The following ZNF280D variants were observed in gnomAD, a reference collection of about 807,000 sequenced individuals.
ZNF280D encodes zinc finger protein 280D, also known as suppressor of hairy wing homolog 4.
A neutral mutation model predicts 94.7 loss-of-function variants in ZNF280D; 39 were observed. The observed-to-expected ratio is 0.41, with a 90% confidence interval of 0.32 to 0.54. ZNF280D has a LOEUF of 0.54. Among genes scored for constraint, ZNF280D ranks in the 20% least tolerant of loss-of-function variants. The pLI, the probability that ZNF280D is intolerant of heterozygous loss-of-function variation, is 0.22. For missense variants in ZNF280D, 1,090 were observed against 1,149.3 expected, an observed-to-expected ratio of 0.95 and a Z score of 0.75; for synonymous variants, 398 against 377.6, an observed-to-expected ratio of 1.05 and a Z score of -0.63.
At chr15:56,701,329 G>T (rs1199349370) in intron 4 of ZNF280D, 91 bp from the exon 5 acceptor site, 1 of 938,250 alleles carries the variant, frequency 1.1e-6, no homozygotes, top group Non-Finnish European at 1.6e-6. Context: ...CATTTAAACA[G>T]ATTTATGGAA....
chr15:56,673,925 A>G (rs1324964170), intron 13 of ZNF280D, among the ~76,000 whole-genome samples: 2 of 151,878 alleles, frequency 1.3e-5, no homozygotes, highest in Non-Finnish European at 2.9e-5. Context: ...CACCTCCCCA[A>G]TCTTTAGCAC....
chr15:56,700,511 TG>T (rs1168044191), intron 6 of ZNF280D: 2 of 1,014,912 alleles, frequency 2.0e-6, no homozygotes, highest in African/African-American at 3.4e-5. Flanking sequence ...TAGGAAAAAA[TG>T]TTTGTTTTTT....
At chr15:56,632,496 A>ATTTT (rs35589148) in intron 21 of ZNF280D, among the ~76,000 whole-genome samples, 1 of 129,194 alleles carries the variant, frequency 7.7e-6, no homozygotes, top group Non-Finnish European at 1.6e-5. Flanking sequence ...TTTTTTTATG[A>ATTTT]TTTTTTTTTT....
Position 56,641,412 on chromosome 15 carries a change from A to T in ZNF280D, c.2259+1540T>A, listed in dbSNP as rs780306760. Reference sequence around the variant, plus strand: ...TATGCTTTCAATTTCAGCATAATGTATTTTGTCATTTGATATTATATCTTT... The same window carrying T: ...TATGCTTTCAATTTCAGCATAATGTTTTTTGTCATTTGATATTATATCTTT... On this transcript the variant is annotated intron_variant, in intron 20 of 21. Coordinates refer to ENST00000267807, the MANE Select transcript of ZNF280D (RefSeq NM_017661.4). Among the ~76,000 whole-genome samples, 141 of 152,048 alleles carry T rather than the reference A, an allele frequency of 9.3e-4. No homozygotes were observed. In the Middle Eastern group the frequency reaches 0.01, roughly 11 times the overall value.
chr15:56,710,903 T>A (rs1218823692), intron 1 of ZNF280D, among the ~76,000 whole-genome samples: 4 of 152,064 alleles, frequency 2.6e-5, no homozygotes, highest in African/African-American at 9.7e-5. Context: ...AACTGTAGTA[T>A]CTGCACATTT....
At chr15:56,703,969 A>G in intron 4 of ZNF280D, 152 bp downstream of exon 4, 2 of 764,358 alleles carry the variant, frequency 2.6e-6, no homozygotes, top group Non-Finnish European at 4.0e-6. Context: ...CTGACATCTG[A>G]TATTTAATCT....
At position 56,642,903 on chromosome 15, in the gene ZNF280D, T is replaced by C. The variant is rs749915450; in HGVS notation, c.2259+49A>G. The C allele has an allele frequency of 5.3e-6, 7 of 1,332,874 alleles. No individual in the cohort carries two copies. In the East Asian group the frequency reaches 1.7e-4, roughly 33 times the overall value. The allele number at this position is 1,332,874 out of a possible 1,614,324, so 82.6% of individuals were successfully genotyped here. On this transcript the variant is annotated intron_variant, in intron 20 of 21. Coordinates refer to ENST00000267807, the MANE Select transcript of ZNF280D (RefSeq NM_017661.4). ...AAAAAATTTTATATCATACCAATAA[T>C]ACTTTCAAATGTATAAACCTTTAAG...
Position 56,689,352 on chromosome 15 carries a change from T to C in ZNF280D, c.618A>G (p.Leu206=). Reference sequence around the variant, plus strand: ...TCACTGAAGGAGATTTAACTGAAGGTAATACAGCTGAGGAATTTGCTCCAG... The same window carrying C: ...TCACTGAAGGAGATTTAACTGAAGGCAATACAGCTGAGGAATTTGCTCCAG... The part of the protein sequence containing the change: ...SVSGANSSAV[L]PSVKSPSVTS... The change falls in exon 8 of 22, where the codon TTA becomes TTG. Residue 206 remains leucine, a synonymous_variant. Transcript: ENST00000267807. 1 of 1,610,512 alleles carries C rather than the reference T, an allele frequency of 6.2e-7. No individual in the cohort carries two copies. Among genetic ancestry groups the C allele is most frequent in the South Asian group, 1.1e-5 (1 of 90,126 alleles).
chr15:56,654,072 T>TA, intron 19 of ZNF280D, 126 bp downstream of exon 19: 4 of 1,505,684 alleles, frequency 2.7e-6, no homozygotes, highest in Admixed American at 2.4e-5. Flanking sequence ...ACAAGCAGCT[T>TA]TAAAAAAAAA....
At chr15:56,699,763 T>G (rs1456927889) in intron 6 of ZNF280D, 2 of 165,492 alleles carry the variant, frequency 1.2e-5, no homozygotes, top group African/African-American at 4.8e-5. Context: ...AGGTACTTTA[T>G]GCACACTACC....
At chr15:56,638,690 G>A (rs1278110314) in intron 20 of ZNF280D, among the ~76,000 whole-genome samples, 1 of 152,004 alleles carries the variant, frequency 6.6e-6, no homozygotes, top group Admixed American at 6.6e-5. Context: ...AAAAAAATGT[G>A]ATTTATGTTA....
At chr15:56,715,519 A>G (rs967458451) in intron 1 of ZNF280D, among the ~76,000 whole-genome samples, 1 of 152,134 alleles carries the variant, frequency 6.6e-6, no homozygotes, top group Admixed American at 6.6e-5. Flanking sequence ...TGATTTGAAT[A>G]AAAGCTATAC....
chr15:56,663,067 T>C (rs1187400389), intron 16 of ZNF280D, among the ~76,000 whole-genome samples: 1 of 150,950 alleles, frequency 6.6e-6, no homozygotes, highest in Non-Finnish European at 1.5e-5. Flanking sequence ...GCAGATCACT[T>C]AAGCCCAGGA....
intron 9 of ZNF280D, among the ~76,000 whole-genome samples, chr15:56,683,189 T>C (rs2055753219): frequency 6.6e-6 from 1 of 152,164 alleles, no homozygotes; most frequent in African/African-American, 2.4e-5. Flanking sequence ...TTTTAAACAA[T>C]GTTTCATATC....
At chr15:56,653,009 T>C in intron 19 of ZNF280D, 3 of 941,792 alleles carry the variant, frequency 3.2e-6, no homozygotes, top group Non-Finnish European at 3.8e-6. Flanking sequence ...AACCAAGCTA[T>C]TAAATTAATT....
At position 56,677,686 on chromosome 15, in the gene ZNF280D, A is replaced by C. The variant is rs143965845; in HGVS notation, c.1163-12T>G. 8.4e-4 allele frequency: 1,106 copies of C among 1,322,580 alleles called. 11 individuals are homozygous for C. The highest frequency in any genetic ancestry group is 5.4e-5 in the Non-Finnish European group (51 of 939,622). 81.9% of individuals were successfully genotyped at this position (1,322,580 alleles called of 1,614,324 possible). On this transcript the variant is annotated splice_polypyrimidine_tract_variant and intron_variant, in intron 11 of 21. Coordinates refer to ENST00000267807, the MANE Select transcript of ZNF280D (RefSeq NM_017661.4). ...GATTTTACAAATAGCTAAATGTGGGAGAGAAACAGTATAATAATATTTAAG... is the reference window on the plus strand; with the variant it reads ...GATTTTACAAATAGCTAAATGTGGGCGAGAAACAGTATAATAATATTTAAG...
At chr15:56,658,912 G>A (rs1379765042) in intron 16 of ZNF280D, among the ~76,000 whole-genome samples, 2 of 151,966 alleles carry the variant, frequency 1.3e-5, no homozygotes, top group East Asian at 3.9e-4. Context: ...TGTGTAGGGG[G>A]AGTGGGGTAG....
chr15:56,644,264 A>C (rs1016773746), intron 19 of ZNF280D, among the ~76,000 whole-genome samples: 19 of 152,068 alleles, frequency 1.2e-4, no homozygotes, highest in African/African-American at 4.6e-4. Flanking sequence ...GGGGTTAAAG[A>C]TTTTGTAATT....
intron 1 of ZNF280D, among the ~76,000 whole-genome samples, chr15:56,713,292 G>C (rs1424694): frequency 0.49 from 74,868 of 151,894 alleles, 19,953 homozygotes; most frequent in East Asian, 0.61. Context: ...ACATAAAAAT[G>C]AAGTTCAACT....
Sources: allele counts gnomAD v4.1 joint callset (sites outside exome capture counted in the v4.1 genomes callset), GRCh38; gene constraint gnomAD v4.1.1; transcripts MANE v1.5; gene names NCBI Gene and HGNC (gene_info 2026-07-23, HGNC 2026-07-21).